WASHC2A: variants seen among roughly 807,000 people sequenced by gnomAD.
WASHC2A encodes the protein WASH complex subunit FAM21A.
WASHC2A carries 82 observed loss-of-function variants against 140.3 expected under a neutral mutation model. The ratio of observed to expected loss-of-function variants is 0.58; its 90% CI spans 0.49 to 0.70. WASHC2A has a LOEUF of 0.70. Among genes scored for constraint, WASHC2A ranks in the 30% least tolerant of loss-of-function variants. The pLI, the probability that WASHC2A is intolerant of heterozygous loss-of-function variation, is 0.00. For missense variants in WASHC2A, 985 were observed against 1,521.8 expected, an observed-to-expected ratio of 0.65 and a Z score of 5.87; for synonymous variants, 340 against 560.8, an observed-to-expected ratio of 0.61 and a Z score of 5.56.
chr10:50,104,082 C>A lies in WASHC2A; in HGVS notation c.1676C>A (p.Ala559Glu), dbSNP rs1841510727. ...SSQSASKLKGASLLPGKLPTL... is the reference protein window; with the variant it reads ...SSQSASKLKGESLLPGKLPTL... ...CAAAGTGCGAGTAAGTTAAAAGGTGCGTCTCTGCTGCCTGGCAAGCTCCCC... is the reference window on the plus strand; with the variant it reads ...CAAAGTGCGAGTAAGTTAAAAGGTGAGTCTCTGCTGCCTGGCAAGCTCCCC... Residue 559 changes from alanine to glutamate, a missense_variant, in exon 18 of 31, where the codon GCG (alanine) becomes GAG (glutamate). Physicochemically the swap from Ala to Glu is moderately radical, Grantham distance 107. Coordinates refer to ENST00000282633, the MANE Select transcript of WASHC2A (RefSeq NM_001005751.3). The A allele has an allele frequency of 2.7e-6, 4 of 1,472,394 alleles. No homozygotes were observed. Among genetic ancestry groups the A allele is most frequent in the Non-Finnish European group, 3.8e-6 (4 of 1,065,698 alleles). The allele number at this position is 1,472,394 out of a possible 1,614,324, so 91.2% of individuals were successfully genotyped here.
chr10:50,097,870 C>A (rs1247655504), intron 16 of WASHC2A, 68 bp downstream of exon 16: 2 of 1,610,348 alleles, frequency 1.2e-6, no homozygotes, highest in Admixed American at 3.3e-5. Flanking sequence ...ATCCTGAACC[C>A]AGAGGGAAGT....
At chr10:50,121,622 G>A (rs1245676525) in intron 23 of WASHC2A, among the ~76,000 whole-genome samples, 11 of 149,924 alleles carry the variant, frequency 7.3e-5, no homozygotes, top group Non-Finnish European at 1.6e-4. Context: ...TTGAACTCTT[G>A]ACCTCAGGTG....
intron 23 of WASHC2A, among the ~76,000 whole-genome samples, chr10:50,123,303 C>A (rs1589276381): frequency 7.7e-6 from 1 of 129,512 alleles, no homozygotes; most frequent in Admixed American, 8.4e-5. Context: ...TATGATTGCT[C>A]CCAGCAGCAT....
intron 30 of WASHC2A, 162 bp downstream of exon 30, chr10:50,131,240 A>C (rs1660137954): frequency 3.3e-5 from 24 of 717,600 alleles, no homozygotes; most frequent in Non-Finnish European, 7.7e-6. Context: ...AGATGGACTA[A>C]TTATTTTAGT....
chr10:50,105,666 G>A (rs1172327536), intron 18 of WASHC2A, among the ~76,000 whole-genome samples: 80 of 150,930 alleles, frequency 5.3e-4, no homozygotes, highest in African/African-American at 1.9e-3. Context: ...GCCCTCTGAT[G>A]CTTTTGTTCC....
Position 50,129,450 on chromosome 10 carries a change from C to T in WASHC2A, c.3119C>T (p.Pro1040Leu), listed in dbSNP as rs1198404324. Residue 1040 changes from proline to leucine, a missense_variant, in exon 29 of 31, where the codon CCG (proline) becomes CTG (leucine). By Grantham distance (98) the Pro-to-Leu change is moderately conservative. Transcript: ENST00000282633. ...GTCAAGATGAGAGGGAAGCGTAGAC[C>T]GCAGACCCGTGCAGCTAGGCGGCTG... ...SRVKMRGKRR[P>L]QTRAARRLAA... The T allele has an allele frequency of 6.8e-6, 11 of 1,611,666 alleles. No homozygotes were observed. The highest frequency in any genetic ancestry group is 2.7e-5 in the African/African-American group (2 of 74,754).
At chr10:50,101,027 G>A (rs1355497377) in intron 17 of WASHC2A, among the ~76,000 whole-genome samples, 2 of 152,426 alleles carry the variant, frequency 1.3e-5, no homozygotes, top group East Asian at 1.9e-4. Flanking sequence ...AGAAACTGTG[G>A]GCTCTAGATT....
chr10:50,128,708 G>A (rs1843662136), intron 28 of WASHC2A, among the ~76,000 whole-genome samples: 1 of 152,016 alleles, frequency 6.6e-6, no homozygotes, highest in Non-Finnish European at 1.5e-5. Context: ...ACATTCCCCT[G>A]AAGTTGACAA....
At position 50,129,736 on chromosome 10, in the gene WASHC2A, C is replaced by T. The variant is rs1843767740; in HGVS notation, c.3405C>T (p.Ile1135=). 2 of 1,612,064 alleles carry T rather than the reference C, an allele frequency of 1.2e-6. No individual in the cohort carries two copies. Among genetic ancestry groups the T allele is most frequent in the Non-Finnish European group, 1.7e-6 (2 of 1,179,872 alleles). ...CTGACCTTTTTGATTCTGGGGACAT[C>T]TTTTCCACGGGCACTGGATCTCAGT... ...GEADLFDSGD[I]FSTGTGSQSV... Residue 1135 remains isoleucine, a synonymous_variant, in exon 29 of 31, where the codon ATC becomes ATT. Coordinates refer to ENST00000282633, the MANE Select transcript of WASHC2A (RefSeq NM_001005751.3).
intron 5 of WASHC2A, among the ~76,000 whole-genome samples, chr10:50,082,238 C>T (rs1310231710): frequency 2.0e-5 from 3 of 149,168 alleles, no homozygotes; most frequent in African/African-American, 7.4e-5. Context: ...GAGAATTAGT[C>T]CAAATTAACG....
At chr10:50,104,330 G>A (rs1841534448) in intron 18 of WASHC2A, among the ~76,000 whole-genome samples, 187 bp downstream of exon 18, 1 of 149,364 alleles carries the variant, frequency 6.7e-6, no homozygotes, top group African/African-American at 2.5e-5. Flanking sequence ...TTTCCTAGCT[G>A]TGCAATGGAG....
At chr10:50,101,692 T>C (rs1554886861) in intron 17 of WASHC2A, among the ~76,000 whole-genome samples, 1 of 152,242 alleles carries the variant, frequency 6.6e-6, no homozygotes, top group African/African-American at 2.4e-5. Context: ...ATGAAACAAG[T>C]AACTCAAAAA....
chr10:50,098,358 G>A (rs1214862720), intron 16 of WASHC2A, among the ~76,000 whole-genome samples: 1 of 151,848 alleles, frequency 6.6e-6, no homozygotes, highest in Non-Finnish European at 1.5e-5. Flanking sequence ...GCCATTTACA[G>A]CAGTGATCCC....
chr10:50,087,388 T>A (rs878862805), intron 8 of WASHC2A, 66 bp downstream of exon 8: 16 of 1,598,710 alleles, frequency 1.0e-5, no homozygotes, highest in Admixed American at 1.7e-5. Flanking sequence ...TATATACTAA[T>A]ATTACTTTGG....
At chr10:50,110,892 CAAA>C (rs1239943523) in intron 20 of WASHC2A, among the ~76,000 whole-genome samples, 64 of 69,700 alleles carry the variant, frequency 9.2e-4, no homozygotes, top group African/African-American at 2.0e-3. Flanking sequence ...GACTCCATCT[CAAA>C]AAAAAAAAAA....
At chr10:50,099,850 A>C in intron 16 of WASHC2A, 128 bp from the exon 17 acceptor site, 2 of 768,084 alleles carry the variant, frequency 2.6e-6, no homozygotes, top group South Asian at 3.8e-5. Flanking sequence ...GCTGCCTATC[A>C]CAGCAGAGAC....
chr10:50,109,809 C>T (rs1291326457), intron 19 of WASHC2A, among the ~76,000 whole-genome samples: 5 of 151,968 alleles, frequency 3.3e-5, no homozygotes, highest in Admixed American at 6.6e-5. Flanking sequence ...TCGCTCTGTC[C>T]CCCAGGCTGG....
chr10:50,133,016 T>C lies in WASHC2A; in HGVS notation c.*71T>C, dbSNP rs1234397146. On this transcript the variant is annotated 3_prime_UTR_variant, in exon 31 of 31. Coordinates refer to ENST00000282633, the MANE Select transcript of WASHC2A (RefSeq NM_001005751.3). ...TTAGTGATGATGTTGTATATGCTGATGGTCTTAACTGGATTACAAAAAGCA... is the reference window on the plus strand; with the variant it reads ...TTAGTGATGATGTTGTATATGCTGACGGTCTTAACTGGATTACAAAAAGCA... 2.2e-5 allele frequency: 35 copies of C among 1,609,034 alleles called. No homozygotes were observed. Among genetic ancestry groups the C allele is most frequent in the Non-Finnish European group, 2.8e-5 (33 of 1,178,130 alleles).
intron 20 of WASHC2A, among the ~76,000 whole-genome samples, chr10:50,113,393 G>T (rs1267806646): frequency 7.3e-5 from 11 of 151,220 alleles, no homozygotes; most frequent in Non-Finnish European, 1.2e-4. Context: ...GTAAATACAA[G>T]GTGAATTTTA....
Sources: allele counts gnomAD v4.1 joint callset (sites outside exome capture counted in the v4.1 genomes callset), GRCh38; gene constraint gnomAD v4.1.1; transcripts MANE v1.5; gene names NCBI Gene and HGNC (gene_info 2026-07-23, HGNC 2026-07-21).